Variants in PCDHA3 observed in about 807,000 individuals in gnomAD.
The protein encoded by PCDHA3 is protocadherin alpha 3.
Under a neutral mutation model 62.2 loss-of-function variants are expected in PCDHA3, and 41 were observed. The ratio of observed to expected loss-of-function variants is 0.66; its 90% confidence interval spans 0.51 to 0.86. PCDHA3 has a LOEUF of 0.86. Among genes scored for constraint, PCDHA3 ranks in the 40% least tolerant of loss-of-function variants. PCDHA3 has a pLI of 0.00. For missense variants in PCDHA3, 1,304 were observed against 1,241.2 expected (o/e 1.05, Z -0.76); for synonymous variants, 640 against 555.4 (o/e 1.15, Z -2.14).
intron 1 of PCDHA3, among the ~76,000 whole-genome samples, chr5:140,921,713 A>T (rs1247257514): frequency 2.0e-5 from 3 of 152,174 alleles, no homozygotes; most frequent in Non-Finnish European, 4.4e-5. Flanking sequence ...CAGTAAACAC[A>T]CGAATTACTC....
chr5:140,857,746 G>C lies in PCDHA3; in HGVS notation c.2394+54155G>C. 5.0e-6 allele frequency: 8 copies of C among 1,597,368 alleles called. No homozygotes were observed. In the South Asian group the frequency reaches 8.8e-5, roughly 18 times the overall value. On this transcript the variant is annotated intron_variant, in intron 1 of 3. Coordinates refer to ENST00000522353, the MANE Select transcript of PCDHA3 (RefSeq NM_018906.3). ...ACGACAACGCTCCCGCGCTGCTGGC[G>C]TCTCCCGCTGGCAGCGCGGGCGGTG...
At chr5:140,849,723 G>A (rs1554143223) in intron 1 of PCDHA3, 1 of 1,598,414 alleles carries the variant, frequency 6.3e-7, no homozygotes. Flanking sequence ...GTTGGTGCTG[G>A]ACAGAGCTCT....
At chr5:140,902,514 T>C (rs1288692863) in intron 1 of PCDHA3, among the ~76,000 whole-genome samples, 1 of 152,128 alleles carries the variant, frequency 6.6e-6, no homozygotes, top group Non-Finnish European at 1.5e-5. Flanking sequence ...CTGTCATATA[T>C]GGTTTTTATT....
In PCDHA3 at chr5:140,982,522, G is replaced by A; in HGVS notation, c.2501G>A (p.Gly834Glu). Residue 834 changes from glycine to glutamate, a missense_variant, in exon 3 of 4, where the codon GGG (glycine) becomes GAG (glutamate). Coordinates refer to ENST00000522353, the MANE Select transcript of PCDHA3 (RefSeq NM_018906.3). ...GGCATTCTACGGGCTGGTCCAGGAG[G>A]GCCTGATCAGCAGTGGCCAACAGTA... ...EAGILRAGPG[G>E]PDQQWPTVSS... 2.5e-6 allele frequency: 4 copies of A among 1,614,182 alleles called. No homozygotes were observed. Among genetic ancestry groups the A allele is most frequent in the Non-Finnish European group, 3.4e-6 (4 of 1,180,032 alleles).
intron 1 of PCDHA3, among the ~76,000 whole-genome samples, chr5:140,898,629 C>T (rs2066883647): frequency 1.3e-5 from 2 of 152,194 alleles, no homozygotes; most frequent in Admixed American, 1.3e-4. Context: ...AGCATAATGC[C>T]TCCAGCTTTG....
intron 1 of PCDHA3, among the ~76,000 whole-genome samples, chr5:140,905,373 G>C (rs556428182): frequency 3.1e-4 from 47 of 152,236 alleles, no homozygotes; most frequent in Non-Finnish European, 4.6e-4. Context: ...CTGGTTCTCT[G>C]TTCTGTTTCA....
intron 1 of PCDHA3, among the ~76,000 whole-genome samples, chr5:140,832,065 T>C (rs2150199482): frequency 1.3e-3 from 196 of 152,372 alleles, no homozygotes; most frequent in African/African-American, 4.5e-3. Flanking sequence ...CAATTTAATC[T>C]GAGATGTCTC....
chr5:140,953,528 C>T (rs2094898852), intron 1 of PCDHA3, among the ~76,000 whole-genome samples: 1 of 152,112 alleles, frequency 6.6e-6, no homozygotes, highest in Non-Finnish European at 1.5e-5. Context: ...AAACGGGAAA[C>T]TCACTTCATG....
chr5:140,930,412 G>T (rs1327423423), intron 1 of PCDHA3: 1 of 148,866 alleles, frequency 6.7e-6, no homozygotes, highest in Non-Finnish European at 1.5e-5. Context: ...TTTTGAGACA[G>T]GGGTCTCACT....
intron 3 of PCDHA3, among the ~76,000 whole-genome samples, chr5:141,002,021 C>A (rs1177146388): frequency 2.6e-5 from 4 of 152,184 alleles, no homozygotes; most frequent in Admixed American, 6.5e-5. Flanking sequence ...GCACAGCCTT[C>A]GGTGCCCTGA....
intron 1 of PCDHA3, chr5:140,870,574 T>C (rs1429082420): frequency 6.2e-7 from 1 of 1,613,934 alleles, no homozygotes; most frequent in Non-Finnish European, 8.5e-7. Flanking sequence ...GCTGGTGTCC[T>C]ACTCGCTGGT....
intron 1 of PCDHA3, chr5:140,967,393 G>A (rs1437861925): frequency 1.2e-6 from 2 of 1,609,910 alleles, no homozygotes; most frequent in African/African-American, 2.7e-5. Flanking sequence ...TGCTTGAGCT[G>A]GTGCTGCGTA....
At chr5:140,965,555 G>A (rs1373065218) in intron 1 of PCDHA3, among the ~76,000 whole-genome samples, 4 of 151,798 alleles carry the variant, frequency 2.6e-5, no homozygotes, top group Non-Finnish European at 5.9e-5. Flanking sequence ...CCTGGCTTAG[G>A]AGATCAACAG....
At position 140,849,783 on chromosome 5, in the gene PCDHA3, G is replaced by C. The variant is rs2150449806; in HGVS notation, c.2394+46192G>C. ...CGAGCTGGTGGTTACCGCGCGGGAC[G>C]GGGGCTCGCCTTCACTGTGGGCCAC... On this transcript the variant is annotated intron_variant, in intron 1 of 3. Transcript: ENST00000522353. 832,668 of 1,597,604 alleles carry C rather than the reference G, an allele frequency of 0.52. 253,297 individuals carry two copies. The highest frequency in any genetic ancestry group is 0.62 in the South Asian group (55,951 of 90,512).
In PCDHA3 at chr5:140,802,050, A is replaced by G. The variant is rs1554121847; in HGVS notation, c.853A>G (p.Met285Val). 1.2e-6 allele frequency: 2 copies of G among 1,614,200 alleles called. No individual in the cohort carries two copies. Among genetic ancestry groups the G allele is most frequent in the Non-Finnish European group, 8.5e-7 (1 of 1,180,032 alleles). Residue 285 changes from methionine (M) to valine (V), a missense_variant, in exon 1 of 4, where the codon ATG (methionine) becomes GTG (valine). By Grantham distance (21) the Met-to-Val change is conservative. Coordinates refer to ENST00000522353, the MANE Select transcript of PCDHA3 (RefSeq NM_018906.3). ...KDIAYSFNTD[M>V]SADILSKFHL... ...TATCGCGTATTCTTTCAATACGGAC[A>G]TGTCAGCAGATATTCTGTCAAAATT...
intron 1 of PCDHA3, among the ~76,000 whole-genome samples, chr5:140,845,780 T>C (rs1273116464): frequency 6.7e-6 from 1 of 149,642 alleles, no homozygotes; most frequent in Non-Finnish European, 1.5e-5. Context: ...TATAAATTAT[T>C]AATAATAAAC....
At chr5:141,009,034 C>T (rs183192515) in intron 3 of PCDHA3, among the ~76,000 whole-genome samples, 64 of 152,344 alleles carry the variant, frequency 4.2e-4, no homozygotes, top group African/African-American at 1.5e-3. Context: ...TTTCCCATCC[C>T]GTTCCCAGTC....
At position 140,850,017 on chromosome 5, in the gene PCDHA3, G is replaced by A. The variant is rs149779533; in HGVS notation, c.2394+46426G>A. On this transcript the variant is annotated intron_variant, in intron 1 of 3. Transcript: ENST00000522353. ...GGGCGAGCGCTCGCTGTCGAGCTAC[G>A]TGTCAGTGCACGCGGAGAGCGGCAA... is the stretch of plus-strand genomic sequence containing the variant. 9,030 of 1,596,972 alleles carry A rather than the reference G, an allele frequency of 5.7e-3. 796 individuals are homozygous for A. Among genetic ancestry groups the A allele is most frequent in the South Asian group, 0.03 (2,755 of 90,494 alleles).
intron 1 of PCDHA3, among the ~76,000 whole-genome samples, chr5:140,839,694 A>G (rs1199656797): frequency 6.6e-6 from 1 of 152,032 alleles, no homozygotes; most frequent in Non-Finnish European, 1.5e-5. Context: ...TTTTTTGGGT[A>G]AATAATGTGA....
Sources: gnomAD v4.1 joint callset for allele counts (sites outside exome capture counted in the v4.1 genomes callset) on GRCh38, gnomAD v4.1.1 for gene constraint, MANE v1.5 for transcripts, NCBI Gene and HGNC (gene_info 2026-07-23, HGNC 2026-07-21) for gene names.